The following SBF2 variants were observed in gnomAD, a reference collection of about 807,000 sequenced individuals.
SBF2 encodes SET binding factor 2, also known as myotubularin-related protein 13.
In SBF2, 112 loss-of-function variants were observed where a neutral mutation model predicts 225.2. The ratio of observed to expected loss-of-function variants is 0.50; its 90% CI spans 0.43 to 0.58. The LOEUF (loss-of-function observed/expected upper bound fraction) is 0.58. Among genes scored for constraint, SBF2 ranks in the 20% least tolerant of loss-of-function variants. The pLI, the probability that SBF2 is intolerant of heterozygous loss-of-function variation, is 0.00. For synonymous variants in SBF2, 763 were observed against 773.3 expected (o/e 0.99, Z 0.22); for missense variants, 1,996 against 2,206.2 (o/e 0.90, Z 1.91).
intron 2 of SBF2, among the ~76,000 whole-genome samples, chr11:10,084,054 T>C (rs2134879910): frequency 6.6e-6 from 1 of 152,028 alleles, no homozygotes; most frequent in South Asian, 2.1e-4. Flanking sequence ...ATCAACAGAG[T>C]GAACAAACAG....
chr11:10,283,793 G>A (rs1469627563), intron 1 of SBF2, among the ~76,000 whole-genome samples: 1 of 152,054 alleles, frequency 6.6e-6, no homozygotes, highest in Non-Finnish European at 1.5e-5. Flanking sequence ...TAGTTCACAG[G>A]CAAAGTCAGA....
In SBF2 at chr11:9,857,869, T is replaced by C. The variant is rs146809368; in HGVS notation, c.2100+357A>G. Among the ~76,000 whole-genome samples, 1,134 of 152,316 alleles carry C rather than the reference T, an allele frequency of 7.4e-3. 19 individuals are homozygous for C. The highest frequency in any genetic ancestry group is 0.026 in the African/African-American group (1,085 of 41,554). ...TACAACTACCAAATTTTACATTTATTTTGGAGTTAATTAACTTTAATTTGA... is the reference window on the plus strand; with the variant it reads ...TACAACTACCAAATTTTACATTTATCTTGGAGTTAATTAACTTTAATTTGA... On this transcript the variant is annotated intron_variant, in intron 18 of 39. Transcript: ENST00000256190.
intron 13 of SBF2, among the ~76,000 whole-genome samples, chr11:9,982,087 C>T (rs1486001619): frequency 2.6e-5 from 4 of 152,338 alleles, no homozygotes; most frequent in Non-Finnish European, 5.9e-5. Context: ...ACATCCGAGT[C>T]CTTTTAACTT....
intron 2 of SBF2, among the ~76,000 whole-genome samples, chr11:10,068,140 T>G (rs1950703489): frequency 1.3e-5 from 2 of 152,248 alleles, no homozygotes; most frequent in South Asian, 2.1e-4. Context: ...GATCTATTGC[T>G]GCTTGCAAAC....
At chr11:9,837,742 A>G (rs1412362332) in intron 26 of SBF2, among the ~76,000 whole-genome samples, 1 of 121,188 alleles carries the variant, frequency 8.3e-6, no homozygotes, top group Non-Finnish European at 1.8e-5. Context: ...AAAGCAGCAG[A>G]AAGCTTTTTT....
chr11:10,054,916 T>C (rs1034779696), intron 2 of SBF2, among the ~76,000 whole-genome samples: 3 of 152,034 alleles, frequency 2.0e-5, no homozygotes, highest in African/African-American at 7.2e-5. Flanking sequence ...GTTTTTTTGT[T>C]TGTTGTTTGT....
chr11:9,948,166 G>A (rs925246235), intron 16 of SBF2, among the ~76,000 whole-genome samples: 1 of 151,538 alleles, frequency 6.6e-6, no homozygotes, highest in Non-Finnish European at 1.5e-5. Flanking sequence ...AGTCACAAAA[G>A]AACAAATACT....
chr11:9,849,504 G>C (rs1321795848), intron 22 of SBF2, among the ~76,000 whole-genome samples: 3 of 152,190 alleles, frequency 2.0e-5, no homozygotes, highest in African/African-American at 7.2e-5. Context: ...AATAGAAACA[G>C]AAGTTATAGG....
At chr11:9,990,054 G>A (rs185616233) in intron 12 of SBF2, among the ~76,000 whole-genome samples, 106 of 152,158 alleles carry the variant, frequency 7.0e-4, no homozygotes, top group African/African-American at 2.4e-3. Flanking sequence ...AAAATAAGAT[G>A]GAAGAACAAG....
At position 10,196,833 on chromosome 11, in the gene SBF2, CATAAAT is replaced by C. The variant is rs1357150399; in HGVS notation, c.56-2852_56-2847del. On this transcript the variant is annotated intron_variant, in intron 1 of 39. Coordinates refer to ENST00000256190, the MANE Select transcript of SBF2 (RefSeq NM_030962.4). ...TATCCATTTATTCCTAGGTTTCTTG[CATAAAT>C]ATATATATATATATATATATATATA... Among the ~76,000 whole-genome samples the C allele has an allele frequency of 1.2e-3, 111 of 96,042 alleles. 1 individual carries two copies. The highest frequency in any genetic ancestry group is 3.7e-3 in the African/African-American group (98 of 26,522). The allele number at this position is 96,042 out of a possible 152,430, so 63.0% of individuals were successfully genotyped here.
At chr11:9,868,535 T>A (rs1858442152) in intron 17 of SBF2, among the ~76,000 whole-genome samples, 1 of 151,478 alleles carries the variant, frequency 6.6e-6, no homozygotes, top group Non-Finnish European at 1.5e-5. Context: ...AATAAATAAA[T>A]AAAAATAAAA....
At chr11:10,130,863 G>A (rs537427082) in intron 2 of SBF2, among the ~76,000 whole-genome samples, 3 of 151,750 alleles carry the variant, frequency 2.0e-5, no homozygotes, top group East Asian at 3.9e-4. Context: ...ATTTTTGAGG[G>A]TATCAATAGT....
chr11:10,231,815 A>G (rs972367151), intron 1 of SBF2, among the ~76,000 whole-genome samples: 12 of 152,194 alleles, frequency 7.9e-5, no homozygotes, highest in Non-Finnish European at 1.3e-4. Flanking sequence ...TGCTGGGAGA[A>G]CCACTACTCT....
At chr11:10,260,794 T>C (rs570639326) in intron 1 of SBF2, among the ~76,000 whole-genome samples, 25 of 151,036 alleles carry the variant, frequency 1.7e-4, no homozygotes, top group East Asian at 7.8e-4. Flanking sequence ...GACAGGAGGA[T>C]TGCTTGAGCC....
intron 13 of SBF2, among the ~76,000 whole-genome samples, chr11:9,976,324 G>A (rs1054632822): frequency 3.9e-5 from 6 of 151,922 alleles, no homozygotes; most frequent in South Asian, 2.1e-4. Flanking sequence ...TGCCCGCCTC[G>A]GTCTTCCAAA....
At chr11:10,133,035 A>C (rs1054252338) in intron 2 of SBF2, among the ~76,000 whole-genome samples, 3 of 148,398 alleles carry the variant, frequency 2.0e-5, no homozygotes, top group Non-Finnish European at 4.5e-5. Context: ...AGCTAGATAC[A>C]GAGTGCCGAT....
rs538612869 is a variant in SBF2, at chr11:9,947,223, G to T, written c.1860+14734C>A. Among the ~76,000 whole-genome samples, 18 of 152,208 alleles carry T rather than the reference G, an allele frequency of 1.2e-4. No individual in the cohort carries two copies. The South Asian group carries it at 3.5e-3, about 30-fold the overall frequency. On this transcript the variant is annotated intron_variant, in intron 16 of 39. Transcript: ENST00000256190. ...ATTTTAGTTCAAATAAGAACAATGGGGTTAGTCCATTGTTTTAAAGTGTGC... is the reference window on the plus strand; with the variant it reads ...ATTTTAGTTCAAATAAGAACAATGGTGTTAGTCCATTGTTTTAAAGTGTGC...
chr11:10,231,308 C>A (rs1344759201), intron 1 of SBF2, among the ~76,000 whole-genome samples: 3 of 152,202 alleles, frequency 2.0e-5, no homozygotes, highest in Non-Finnish European at 4.4e-5. Context: ...TCTCTCAACT[C>A]GTCAAAGTCA....
intron 2 of SBF2, among the ~76,000 whole-genome samples, chr11:10,172,013 T>C (rs891326942): frequency 7.2e-5 from 11 of 152,172 alleles, no homozygotes; most frequent in Non-Finnish European, 1.0e-4. Flanking sequence ...TCTCTGGTTT[T>C]ATTTATTTGG....
Sources: allele counts gnomAD v4.1 joint callset (sites outside exome capture counted in the v4.1 genomes callset), GRCh38; gene constraint gnomAD v4.1.1; transcripts MANE v1.5; gene names NCBI Gene and HGNC (gene_info 2026-07-23, HGNC 2026-07-21).